Variants in TTC22 observed in about 807,000 individuals in gnomAD.
The protein encoded by TTC22 is tetratricopeptide repeat domain 22.
Under a neutral mutation model 48.2 loss-of-function variants are expected in TTC22, and 42 were observed. That is an observed-to-expected ratio of 0.87 (90% CI 0.68 to 1.13). TTC22 has a LOEUF of 1.13. Ranked by LOEUF, TTC22 falls within the 50% of genes most tolerant of loss-of-function variation. TTC22 has a pLI of 0.00. For missense variants in TTC22, 784 were observed against 807.0 expected (o/e 0.97, Z 0.34); for synonymous variants, 345 against 365.5 (o/e 0.94, Z 0.64).
rs1023764769 is a variant in TTC22, at chr1:54,793,104, A to T, written c.568-5007T>A. ...GACACCCCCACCTTTCTCTCATTCG[A>T]TCCTTATCACAATCCCGTGGGCTGG... On this transcript the variant is annotated intron_variant, in intron 1 of 6. Transcript: ENST00000371276. The T allele has an allele frequency of 1.4e-4, 22 of 152,152 alleles. 1 individual carries two copies. The highest frequency in any genetic ancestry group is 5.1e-4 in the African/African-American group (21 of 41,504). 9.4% of individuals were successfully genotyped at this position (152,152 alleles called of 1,614,324 possible).
intron 1 of TTC22, among the ~76,000 whole-genome samples, chr1:54,791,156 G>A (rs145818426): frequency 1.7e-3 from 254 of 152,298 alleles, no homozygotes; most frequent in African/African-American, 5.9e-3. Context: ...CACCGCGTCC[G>A]GCCCCCTGGC....
Position 54,800,656 on chromosome 1 carries a change from C to A in TTC22, c.508G>T (p.Ala170Ser). ...GCGATGCCTGCCGCCAGCCCCCGCG[C>A]ACGCTCCTCTGGGCTGGCGCAGCCG... The part of the protein sequence containing the change: ...DVGCASPEER[A>S]RGLAAGIALY... Residue 170 changes from alanine (A) to serine (S), a missense_variant, in exon 1 of 7, where the codon GCG (alanine) becomes TCG (serine). By Grantham distance (99) the Ala-to-Ser change is moderately conservative. Transcript: ENST00000371276. 6.4e-7 allele frequency: 1 copy of A among 1,555,472 alleles called. No homozygotes were observed. Among genetic ancestry groups the A allele is most frequent in the Non-Finnish European group, 8.6e-7 (1 of 1,161,670 alleles).
chr1:54,784,729 A>G, intron 5 of TTC22: 1 of 1,253,080 alleles, frequency 8.0e-7, no homozygotes, highest in Non-Finnish European at 1.0e-6. Flanking sequence ...ATTTGCCACT[A>G]GGTCATGTGG....
At position 54,782,412 on chromosome 1, in the gene TTC22, G is replaced by A. The variant is rs1646270094; in HGVS notation, c.1086C>T (p.Asp362=). The stretch of plus-strand genomic sequence containing the variant: ...CCTTGGCACAGGCCAGGTGGTTCCT[G>A]TCAGGCATGCCCCCGAGACCCATCT... ...RAKMGLGGMP[D]RNHLACAKAD... Residue 362 remains aspartate, a synonymous_variant, in exon 6 of 7, where the codon GAC becomes GAT. Coordinates refer to ENST00000371276, the MANE Select transcript of TTC22 (RefSeq NM_001114108.2). The A allele has an allele frequency of 6.4e-7, 1 of 1,551,564 alleles. No individual in the cohort carries two copies. The highest frequency in any genetic ancestry group is 8.7e-7 in the Non-Finnish European group (1 of 1,146,952).
At chr1:54,788,201 G>T in intron 1 of TTC22, 104 bp from the exon 2 acceptor site, 1 of 1,145,166 alleles carries the variant, frequency 8.7e-7, no homozygotes, top group East Asian at 2.4e-5. Flanking sequence ...AGGCACAAGT[G>T]GGAAGGGCTT....
At position 54,786,053 on chromosome 1, in the gene TTC22, G is replaced by T. The variant is rs184878935; in HGVS notation, c.950C>A (p.Thr317Asn). The T allele has an allele frequency of 1.7e-5, 28 of 1,614,066 alleles. No homozygotes were observed. The Admixed American group carries it at 4.2e-4, about 24-fold the overall frequency. The change falls in exon 5 of 7, where the codon ACC (threonine) becomes AAC (asparagine). Residue 317 changes from threonine to asparagine, a missense_variant. Thr to Asn is a moderately conservative substitution (Grantham distance 65, BLOSUM62 0). Coordinates refer to ENST00000371276, the MANE Select transcript of TTC22 (RefSeq NM_001114108.2). ...FLGKQDMAIGTCNMALDVLRD... is the reference protein window; with the variant it reads ...FLGKQDMAIGNCNMALDVLRD... ...TAGGACATCCAGGGCCATGTTGCAGGTTCCAATGGCCATATCCTGCTTTCC... is the reference window on the plus strand; with the variant it reads ...TAGGACATCCAGGGCCATGTTGCAGTTTCCAATGGCCATATCCTGCTTTCC...
chr1:54,784,303 C>T (rs944357070), intron 5 of TTC22, among the ~76,000 whole-genome samples: 1 of 152,208 alleles, frequency 6.6e-6, no homozygotes, highest in Non-Finnish European at 1.5e-5. Flanking sequence ...TCTTCTCCAC[C>T]ATCCTGTGCT....
intron 1 of TTC22, among the ~76,000 whole-genome samples, chr1:54,789,220 C>G (rs1288991765): frequency 6.6e-6 from 1 of 152,216 alleles, no homozygotes; most frequent in African/African-American, 2.4e-5. Flanking sequence ...TGGTATGAAG[C>G]CAGGCCTGAT....
Position 54,781,186 on chromosome 1 carries a change from C to T in TTC22, c.*57G>A, listed in dbSNP as rs867326796. ...GGAGTCCATCCGGACCTGGTCCCAT[C>T]AGCTGGGCGGGGCCTGGGCGGGGTC... On this transcript the variant is annotated 3_prime_UTR_variant, in exon 7 of 7. Transcript: ENST00000371276. The T allele has an allele frequency of 7.8e-7, 1 of 1,278,136 alleles. No homozygotes were observed. Among genetic ancestry groups the T allele is most frequent in the South Asian group, 1.7e-5 (1 of 58,432 alleles). 79.2% of individuals were successfully genotyped at this position (1,278,136 alleles called of 1,614,324 possible). A position where few individuals can be genotyped will look rare whatever the true frequency, so the allele number is the denominator to read the frequency against.
chr1:54,782,604 C>A (rs936617012), intron 5 of TTC22, 127 bp from the exon 6 acceptor site: 1 of 1,058,432 alleles, frequency 9.4e-7, no homozygotes, highest in East Asian at 2.7e-5. Context: ...AGTAGAAAGA[C>A]CCTGAGGCCA....
intron 1 of TTC22, among the ~76,000 whole-genome samples, chr1:54,789,910 C>G (rs1180936): frequency 0.6 from 91,911 of 152,094 alleles, 27,714 homozygotes; most frequent in South Asian, 0.66. Flanking sequence ...TGCAAAAGCT[C>G]AGAGAAGAGC....
chr1:54,788,370 C>T (rs570617741), intron 1 of TTC22, among the ~76,000 whole-genome samples: 4 of 152,084 alleles, frequency 2.6e-5, no homozygotes, highest in Admixed American at 1.3e-4. Flanking sequence ...CTCCCCACCC[C>T]GCCACAGGCC....
intron 5 of TTC22, chr1:54,785,640 C>G: frequency 2.4e-6 from 1 of 409,240 alleles, no homozygotes; most frequent in Non-Finnish European, 4.8e-6. Context: ...AGTGAGACCT[C>G]GTCTCTACAA....
Position 54,786,978 on chromosome 1 carries a change from G to A in TTC22, c.837C>T (p.Asp279=), listed in dbSNP as rs370707848. The change falls in exon 4 of 7, where the codon GAC becomes GAT. Residue 279 remains aspartate (D), a synonymous_variant. Transcript: ENST00000371276. The part of the protein sequence containing the change: ...GVHDCGYSGT[D]PLDCFGKAIE... ...GTACCTTGCCGAAGCAGTCTAGAGG[G>A]TCGGTCCCTGAGTACCCGCAGTCAT... 73 of 1,553,636 alleles carry A rather than the reference G, an allele frequency of 4.7e-5. No individual in the cohort carries two copies. The Middle Eastern group carries it at 5.2e-4, about 11-fold the overall frequency.
chr1:54,797,893 C>A (rs1405710850), intron 1 of TTC22, among the ~76,000 whole-genome samples: 3 of 152,110 alleles, frequency 2.0e-5, no homozygotes, highest in Admixed American at 2.0e-4. Context: ...GGGTCCCAGC[C>A]CCACAAGGAT....
At position 54,781,791 on chromosome 1, in the gene TTC22, G is replaced by A; in HGVS notation, c.1174-12C>T. On this transcript the variant is annotated splice_polypyrimidine_tract_variant and intron_variant, in intron 6 of 6. Transcript: ENST00000371276. ...ATATAGTAGTAGACCTGGGGTCGGGGACGCGGGGTGAGCCCTTCACCGCAG... is the reference window on the plus strand; with the variant it reads ...ATATAGTAGTAGACCTGGGGTCGGGAACGCGGGGTGAGCCCTTCACCGCAG... The A allele has an allele frequency of 7.1e-7, 1 of 1,406,818 alleles. No individual in the cohort carries two copies. Among genetic ancestry groups the A allele is most frequent in the Non-Finnish European group, 9.2e-7 (1 of 1,083,988 alleles). 87.1% of individuals were successfully genotyped at this position (1,406,818 alleles called of 1,614,324 possible).
At chr1:54,788,150 T>C in intron 1 of TTC22, 53 bp from the exon 2 acceptor site, 2 of 1,575,478 alleles carry the variant, frequency 1.3e-6, no homozygotes, top group South Asian at 2.2e-5. Context: ...CTCTGGCCAT[T>C]GTTCATAAAC....
Position 54,800,509 on chromosome 1 carries a change from G to T in TTC22, c.567+88C>A. 6 of 1,171,856 alleles carry T rather than the reference G, an allele frequency of 5.1e-6. No homozygotes were observed. In the South Asian group the frequency reaches 8.8e-5, roughly 17 times the overall value. 72.6% of individuals were successfully genotyped at this position (1,171,856 alleles called of 1,614,324 possible). ...AAAGACCATGGTTGAGAGAGAGTCAGGGGTACCGGGGCATCTCTGCAGACA... is the reference window on the plus strand; with the variant it reads ...AAAGACCATGGTTGAGAGAGAGTCATGGGTACCGGGGCATCTCTGCAGACA... On this transcript the variant is annotated intron_variant, in intron 1 of 6. Coordinates refer to ENST00000371276, the MANE Select transcript of TTC22 (RefSeq NM_001114108.2).
intron 1 of TTC22, among the ~76,000 whole-genome samples, chr1:54,798,247 C>T (rs1397027060): frequency 4.6e-5 from 7 of 152,222 alleles, no homozygotes; most frequent in South Asian, 2.1e-4. Context: ...CTCAAGCCCC[C>T]GTGCTCTGCA....
Sources: allele counts gnomAD v4.1 joint callset (sites outside exome capture counted in the v4.1 genomes callset), GRCh38; gene constraint gnomAD v4.1.1; transcripts MANE v1.5; gene names NCBI Gene and HGNC (gene_info 2026-07-23, HGNC 2026-07-21).